IQSEC1: variants seen among roughly 807,000 people sequenced by gnomAD.
IQSEC1 encodes IQ motif and Sec7 domain ArfGEF 1.
Under a neutral mutation model 91.0 loss-of-function variants are expected in IQSEC1, and 31 were observed. That is an observed-to-expected ratio of 0.34 (90% CI 0.26 to 0.46). IQSEC1 has a LOEUF of 0.46. IQSEC1 is among the 20% of genes least tolerant of loss of function. The pLI is 1.00. For synonymous variants in IQSEC1, 699 were observed against 662.6 expected (o/e 1.05, Z -0.84); for missense variants, 1,388 against 1,575.6 (o/e 0.88, Z 2.02).
At chr3:12,903,978 C>T (rs1357460519) in intron 12 of IQSEC1, among the ~76,000 whole-genome samples, 1 of 152,024 alleles carries the variant, frequency 6.6e-6, no homozygotes, top group East Asian at 1.9e-4. Context: ...ATAACTTGGC[C>T]ATGCTGCCTT....
At chr3:12,978,317 A>ACAG (rs1701283443) in intron 1 of IQSEC1, among the ~76,000 whole-genome samples, 1 of 152,174 alleles carries the variant, frequency 6.6e-6, no homozygotes, top group Non-Finnish European at 1.5e-5. Flanking sequence ...GGTCCTAGAA[A>ACAG]CAGCAGCAGC....
chr3:13,150,955 T>A (rs1706987312), intron 2 of IQSEC1, among the ~76,000 whole-genome samples: 1 of 152,160 alleles, frequency 6.6e-6, no homozygotes, highest in Non-Finnish European at 1.5e-5. Flanking sequence ...GCCAGGGAGC[T>A]CTTCTCCCTC....
chr3:13,067,278 G>T (rs1381048066), intron 1 of IQSEC1, among the ~76,000 whole-genome samples: 2 of 152,214 alleles, frequency 1.3e-5, no homozygotes, highest in Non-Finnish European at 2.9e-5. Flanking sequence ...GACGGGGGCT[G>T]TGTCGTCAGT....
Position 12,924,146 on chromosome 3 carries a change from A to AGTCCATGC in IQSEC1, c.1730+427_1730+434dup, listed in dbSNP as rs891685564. Among the ~76,000 whole-genome samples, 2 of 152,202 alleles carry AGTCCATGC rather than the reference A, an allele frequency of 1.3e-5. No individual in the cohort carries two copies. Among genetic ancestry groups the AGTCCATGC allele is most frequent in the African/African-American group, 4.8e-5 (2 of 41,454 alleles). On this transcript the variant is annotated intron_variant, in intron 4 of 13. Coordinates refer to ENST00000613206, the MANE Select transcript of IQSEC1 (RefSeq NM_001134382.3). This position sits in a 1 kb window ranked among gnomAD's most constrained non-coding sequence, Gnocchi z 6.3. ...TGAGTCAGGAGCAAACAGGGCATGC[A>AGTCCATGC]GTCCATGCAGGAGGACAACAGCCAG...
chr3:13,174,086 T>C (rs1486720260), intron 1 of IQSEC1, among the ~76,000 whole-genome samples: 6 of 152,026 alleles, frequency 3.9e-5, no homozygotes, highest in African/African-American at 1.4e-4. Context: ...GAGGCCCGGG[T>C]TCCTACCCGC....
intron 2 of IQSEC1, among the ~76,000 whole-genome samples, chr3:13,161,945 G>A (rs935831934): frequency 6.6e-6 from 1 of 152,114 alleles, no homozygotes; most frequent in African/African-American, 2.4e-5. Context: ...CTCACTCCTG[G>A]GGTCCCTGCA....
intron 1 of IQSEC1, among the ~76,000 whole-genome samples, chr3:13,190,056 C>T (rs1693995950): frequency 6.6e-6 from 1 of 152,226 alleles, no homozygotes. Context: ...GCCACAGCTG[C>T]CTAAATAGAG....
chr3:13,273,862 C>T (rs1350082215), intron 1 of IQSEC1, among the ~76,000 whole-genome samples: 1 of 152,156 alleles, frequency 6.6e-6, no homozygotes, highest in Non-Finnish European at 1.5e-5. Context: ...TTGCCTCCAC[C>T]CTCCTCTCTC....
chr3:13,265,371 T>C (rs1272675600), intron 1 of IQSEC1, among the ~76,000 whole-genome samples: 1 of 152,108 alleles, frequency 6.6e-6, no homozygotes, highest in Non-Finnish European at 1.5e-5. Context: ...ATCCCAACAC[T>C]TGGGCCCCAG....
intron 2 of IQSEC1, among the ~76,000 whole-genome samples, chr3:13,092,676 T>C (rs1705883883): frequency 6.6e-6 from 1 of 152,120 alleles, no homozygotes; most frequent in African/African-American, 2.4e-5. Flanking sequence ...TTCTGTTCCC[T>C]CACCAGAACA....
chr3:13,204,655 G>A (rs1419988750), intron 1 of IQSEC1, among the ~76,000 whole-genome samples: 1 of 152,220 alleles, frequency 6.6e-6, no homozygotes, highest in Non-Finnish European at 1.5e-5. Context: ...TTAAGGGCAC[G>A]CAGTAGGCGC....
intron 1 of IQSEC1, among the ~76,000 whole-genome samples, chr3:13,020,945 G>A (rs1703369415): frequency 6.6e-6 from 1 of 151,978 alleles, no homozygotes; most frequent in Admixed American, 6.5e-5. Flanking sequence ...AGAAATAGAA[G>A]GAAGGCAAAA....
Position 12,909,130 on chromosome 3 carries a change from C to T in IQSEC1, c.2578+143G>A. 3 of 839,180 alleles carry T rather than the reference C, an allele frequency of 3.6e-6. No individual in the cohort carries two copies. The highest frequency in any genetic ancestry group is 3.8e-6 in the Non-Finnish European group (2 of 525,184). 52.0% of individuals were successfully genotyped at this position (839,180 alleles called of 1,614,324 possible). On this transcript the variant is annotated intron_variant, in intron 11 of 13. Transcript: ENST00000613206. The surrounding 1 kb of genome is among the most constrained non-coding windows in gnomAD (Gnocchi z 4.9). ...CTGCAGCCTGGGAACACAGACTGCC[C>T]CATCATGTGGCCATAGGGAAGGCCA...
chr3:12,906,013 C>G (rs188129729), intron 12 of IQSEC1, among the ~76,000 whole-genome samples: 1 of 152,214 alleles, frequency 6.6e-6, no homozygotes, highest in Non-Finnish European at 1.5e-5. Flanking sequence ...GTGGGGCCGG[C>G]GCCAGCCCCC....
chr3:13,131,668 G>A (rs1001197729), intron 2 of IQSEC1, among the ~76,000 whole-genome samples: 5 of 151,924 alleles, frequency 3.3e-5, no homozygotes, highest in Admixed American at 2.6e-4. Flanking sequence ...TGTATTTTTA[G>A]TAGAGACATG....
intron 1 of IQSEC1, among the ~76,000 whole-genome samples, chr3:13,269,194 G>T (rs1287804103): frequency 6.6e-6 from 1 of 152,184 alleles, no homozygotes; most frequent in Non-Finnish European, 1.5e-5. Flanking sequence ...GAGCAAGAGA[G>T]GAACTCAGGC....
chr3:13,116,998 C>A (rs1435182359), intron 2 of IQSEC1, among the ~76,000 whole-genome samples: 1 of 151,062 alleles, frequency 6.6e-6, no homozygotes, highest in African/African-American at 2.4e-5. Flanking sequence ...TTCATCAAAA[C>A]TAAAAACTTT....
At chr3:13,009,049 G>A (rs1229654343) in intron 1 of IQSEC1, among the ~76,000 whole-genome samples, 1 of 152,234 alleles carries the variant, frequency 6.6e-6, no homozygotes, top group African/African-American at 2.4e-5. Context: ...CCTCTCCAGG[G>A]TTCCAAGGCT....
intron 1 of IQSEC1, among the ~76,000 whole-genome samples, chr3:13,203,000 G>T (rs1271858869): frequency 1.3e-5 from 2 of 152,148 alleles, no homozygotes; most frequent in Non-Finnish European, 2.9e-5. Flanking sequence ...CCTCTGCCTG[G>T]CTCTGTGTCC....
Sources: gnomAD v4.1 joint callset for allele counts (sites outside exome capture counted in the v4.1 genomes callset) on GRCh38, gnomAD v4.1.1 for gene constraint, Gnocchi (gnomAD v3.1) non-coding constraint, MANE v1.5 for transcripts, NCBI Gene and HGNC (gene_info 2026-07-23, HGNC 2026-07-21) for gene names.